The following MRPS28 variants were observed in gnomAD, a reference collection of about 807,000 sequenced individuals.
MRPS28 encodes small ribosomal subunit protein bS1m.
In MRPS28, 7 loss-of-function variants were observed where a neutral mutation model predicts 10.8. That is an observed-to-expected ratio of 0.65 (90% CI 0.37 to 1.22). The LOEUF (loss-of-function observed/expected upper bound fraction) is 1.22. MRPS28 is among the 50% of genes most tolerant of loss of function. The pLI is 0.02. For synonymous variants in MRPS28, 121 were observed against 93.3 expected (o/e 1.30, Z -1.71); for missense variants, 265 against 232.9 (o/e 1.14, Z -0.90).
chr8:79,985,047 T>C (rs981552215), intron 2 of MRPS28, among the ~76,000 whole-genome samples: 2 of 152,138 alleles, frequency 1.3e-5, no homozygotes, highest in Non-Finnish European at 2.9e-5. Flanking sequence ...TCAGCAAATG[T>C]AAAAGATCAG....
chr8:79,973,173 G>C (rs1807681243), intron 2 of MRPS28, among the ~76,000 whole-genome samples: 1 of 152,180 alleles, frequency 6.6e-6, no homozygotes, highest in Admixed American at 6.5e-5. Flanking sequence ...ACACAATGCA[G>C]TCAACTGTAC....
chr8:80,003,632 C>A (rs1808730712), intron 1 of MRPS28, among the ~76,000 whole-genome samples: 1 of 152,216 alleles, frequency 6.6e-6, no homozygotes, highest in Non-Finnish European at 1.5e-5. Flanking sequence ...TTCACTGGTG[C>A]TTGTCGGACA....
At chr8:79,979,544 GAC>G (rs778749462) in intron 2 of MRPS28, among the ~76,000 whole-genome samples, 3 of 151,964 alleles carry the variant, frequency 2.0e-5, no homozygotes, top group Non-Finnish European at 4.4e-5. Flanking sequence ...CTTCTTGTGA[GAC>G]AGGGTCTTAC....
intron 2 of MRPS28, among the ~76,000 whole-genome samples, chr8:79,924,266 A>C (rs1231659267): frequency 1.3e-5 from 2 of 152,202 alleles, no homozygotes; most frequent in East Asian, 3.8e-4. Flanking sequence ...ACAATTCCTT[A>C]ATTAGAGTTT....
intron 1 of MRPS28, among the ~76,000 whole-genome samples, chr8:80,008,170 G>T (rs1487903642): frequency 1.3e-5 from 2 of 152,188 alleles, no homozygotes; most frequent in African/African-American, 4.8e-5. Flanking sequence ...CAAGAAATGG[G>T]GAAAGGATTC....
intron 1 of MRPS28, among the ~76,000 whole-genome samples, chr8:80,023,813 G>GC (rs1291656137): frequency 6.6e-6 from 1 of 152,164 alleles, no homozygotes; most frequent in Non-Finnish European, 1.5e-5. Context: ...TGAGTTATAT[G>GC]CCATAGCACA....
At chr8:79,955,125 T>C (rs1424628113) in intron 2 of MRPS28, among the ~76,000 whole-genome samples, 1 of 152,230 alleles carries the variant, frequency 6.6e-6, no homozygotes, top group African/African-American at 2.4e-5. Context: ...TAAGTTATTC[T>C]GAGGTCTTGC....
intron 2 of MRPS28, among the ~76,000 whole-genome samples, chr8:79,948,924 T>C (rs1025510572): frequency 6.6e-6 from 1 of 152,200 alleles, no homozygotes; most frequent in African/African-American, 2.4e-5. Context: ...TACAGCTCTC[T>C]TTTCTTATGA....
chr8:79,999,549 C>G (rs1167081885), intron 2 of MRPS28, among the ~76,000 whole-genome samples: 1 of 152,158 alleles, frequency 6.6e-6, no homozygotes, highest in Non-Finnish European at 1.5e-5. Context: ...AAATGAAGAT[C>G]TAATAATCAT....
intron 1 of MRPS28, among the ~76,000 whole-genome samples, chr8:80,007,955 G>A (rs941506341): frequency 1.2e-4 from 19 of 152,172 alleles, no homozygotes; most frequent in East Asian, 3.9e-4. Context: ...AAAAGAGCCC[G>A]CATTGCCAAG....
intron 2 of MRPS28, among the ~76,000 whole-genome samples, chr8:79,966,637 GCA>G (rs1161371418): frequency 1.3e-5 from 2 of 151,916 alleles, no homozygotes; most frequent in African/African-American, 2.4e-5. Flanking sequence ...TGAAAAATTG[GCA>G]CAGTTTTTCA....
At chr8:79,937,817 T>C (rs905347918) in intron 2 of MRPS28, among the ~76,000 whole-genome samples, 2 of 152,182 alleles carry the variant, frequency 1.3e-5, no homozygotes, top group Non-Finnish European at 1.5e-5. Flanking sequence ...AAAGCAGCTG[T>C]TAAATAAATG....
intron 1 of MRPS28, among the ~76,000 whole-genome samples, chr8:80,015,450 C>T (rs972660321): frequency 2.0e-5 from 3 of 152,116 alleles, no homozygotes; most frequent in African/African-American, 7.2e-5. Flanking sequence ...TTCTGTCCTA[C>T]CAAAAGAGAG....
At chr8:79,977,435 A>G (rs1488485478) in intron 2 of MRPS28, among the ~76,000 whole-genome samples, 1 of 152,234 alleles carries the variant, frequency 6.6e-6, no homozygotes, top group African/African-American at 2.4e-5. Context: ...CATAGAATAA[A>G]CAAATGATTT....
intron 2 of MRPS28, among the ~76,000 whole-genome samples, chr8:79,934,245 T>G (rs968899575): frequency 2.0e-5 from 3 of 152,206 alleles, no homozygotes; most frequent in African/African-American, 4.8e-5. Context: ...AAAGAGATGG[T>G]TGACTAGATG....
At chr8:79,951,474 T>C (rs1807078797) in intron 2 of MRPS28, among the ~76,000 whole-genome samples, 1 of 152,152 alleles carries the variant, frequency 6.6e-6, no homozygotes, top group Non-Finnish European at 1.5e-5. Context: ...CCACTGTGGG[T>C]TGAGATGGTG....
intron 2 of MRPS28, among the ~76,000 whole-genome samples, chr8:79,943,503 G>T (rs1207275382): frequency 1.3e-5 from 2 of 152,170 alleles, no homozygotes; most frequent in Non-Finnish European, 2.9e-5. Flanking sequence ...GAATCTTGAA[G>T]ATTTGTGCTC....
chr8:79,985,567 G>C (rs950778443), intron 2 of MRPS28, among the ~76,000 whole-genome samples: 1 of 152,096 alleles, frequency 6.6e-6, no homozygotes, highest in African/African-American at 2.4e-5. Flanking sequence ...GAATCACATA[G>C]ACGCAATAAA....
chr8:79,925,671 A>C (rs1467531251), intron 2 of MRPS28, among the ~76,000 whole-genome samples: 1 of 152,210 alleles, frequency 6.6e-6, no homozygotes, highest in African/African-American at 2.4e-5. Flanking sequence ...TTTTTTCTCA[A>C]GTTACAAAAG....
Sources: gnomAD v4.1 joint callset for allele counts (sites outside exome capture counted in the v4.1 genomes callset) on GRCh38, gnomAD v4.1.1 for gene constraint, MANE v1.5 for transcripts, NCBI Gene and HGNC (gene_info 2026-07-23, HGNC 2026-07-21) for gene names.